The following SLC5A4 variants were observed in gnomAD, a reference collection of about 807,000 sequenced individuals.
SLC5A4 encodes the protein solute carrier family 5 member 4.
Under a neutral mutation model 70.3 loss-of-function variants are expected in SLC5A4, and 55 were observed. That is an observed-to-expected ratio of 0.78 (90% confidence interval 0.63 to 0.98). The LOEUF is 0.98. Ranked by LOEUF, SLC5A4 falls within the 50% of genes least tolerant of loss-of-function variation. The pLI is 0.00. For missense variants in SLC5A4, 735 were observed against 839.2 expected (o/e 0.88, Z 1.53); for synonymous variants, 268 against 305.7 (o/e 0.88, Z 1.29).
At chr22:32,305,496 G>T in the SLC5A4 span, among the ~76,000 whole-genome samples, 1 of 148,954 alleles carries the variant, frequency 6.7e-6, no homozygotes, top group Non-Finnish European at 1.5e-5. Flanking sequence ...ACCATCCATT[G>T]CCTGGGGGTG....
intron 12 of SLC5A4, 108 bp from the exon 13 acceptor site, chr22:32,224,590 ATGGCTAACCT>A (rs1925285584): frequency 1.2e-6 from 1 of 852,414 alleles, no homozygotes; most frequent in Admixed American, 2.4e-5. Context: ...GGACCAACAA[ATGGCTAACCT>A]TGGGCACAAG....
At chr22:32,253,346 G>C (rs960416887) in intron 2 of SLC5A4, among the ~76,000 whole-genome samples, 13 of 152,174 alleles carry the variant, frequency 8.5e-5, no homozygotes, top group Admixed American at 1.3e-4. Context: ...GAATCAAGAG[G>C]CATCAGCATT....
intron 2 of SLC5A4, among the ~76,000 whole-genome samples, chr22:32,253,856 C>G (rs1344965632): frequency 6.6e-6 from 1 of 151,994 alleles, no homozygotes; most frequent in Non-Finnish European, 1.5e-5. Context: ...TCTAGGCTCA[C>G]TGCAACCTCT....
chr22:32,352,349 A>G, the SLC5A4 span, among the ~76,000 whole-genome samples: 2 of 151,726 alleles, frequency 1.3e-5, no homozygotes, highest in Non-Finnish European at 2.9e-5. Flanking sequence ...GCACACCAAC[A>G]TGGCACATGG....
At chr22:32,334,107 G>A in the SLC5A4 span, among the ~76,000 whole-genome samples, 1 of 143,614 alleles carries the variant, frequency 7.0e-6, no homozygotes, top group East Asian at 2.1e-4. Context: ...ACATCACATA[G>A]ACCCACACAA....
chr22:32,307,552 T>C, the SLC5A4 span, among the ~76,000 whole-genome samples: 1 of 152,142 alleles, frequency 6.6e-6, no homozygotes, highest in Non-Finnish European at 1.5e-5. Flanking sequence ...GGGAAGTCCA[T>C]GTCATTGAAT....
Position 32,234,983 on chromosome 22 carries a change from G to A in SLC5A4, c.775C>T (p.Arg259Trp), listed in dbSNP as rs1311274675. Residue 259 changes from arginine (R) to tryptophan (W), a missense_variant, in exon 8 of 15, where the codon CGG becomes TGG. Coordinates refer to ENST00000266086, the MANE Select transcript of SLC5A4 (RefSeq NM_014227.3). Reference sequence around the variant, plus strand: ...CGGAAGATGTGGAAGGAGTCCGCCCGAGGTGTGTAGCAACTGGCACTGATT... The same window carrying A: ...CGGAAGATGTGGAAGGAGTCCGCCCAAGGTGTGTAGCAACTGGCACTGATT... ...LTISASCYTP[R>W]ADSFHIFRDA... 15 of 1,613,118 alleles carry A rather than the reference G, an allele frequency of 9.3e-6. No homozygotes were observed. The highest frequency in any genetic ancestry group is 1.3e-5 in the African/African-American group (1 of 74,190).
At chr22:32,307,459 T>C in the SLC5A4 span, among the ~76,000 whole-genome samples, 3 of 152,224 alleles carry the variant, frequency 2.0e-5, no homozygotes, top group South Asian at 2.1e-4. Flanking sequence ...GTCCCAGCTA[T>C]AGCAGGAATG....
At chr22:32,270,481 C>A in the SLC5A4 span, 1 of 815,908 alleles carries the variant, frequency 1.2e-6, no homozygotes, top group Non-Finnish European at 2.1e-6. Flanking sequence ...GGAGCAGGAA[C>A]CCAGCACCCC....
At chr22:32,307,351 C>T in the SLC5A4 span, among the ~76,000 whole-genome samples, 1 of 152,160 alleles carries the variant, frequency 6.6e-6, no homozygotes, top group Admixed American at 6.5e-5. Context: ...GTGGTGGGAG[C>T]AATGACACCT....
chr22:32,307,236 G>A, the SLC5A4 span, among the ~76,000 whole-genome samples: 1 of 152,276 alleles, frequency 6.6e-6, no homozygotes, highest in Admixed American at 6.5e-5. Context: ...GCTTTGATGT[G>A]AAGATAGGAG....
At chr22:32,285,063 T>C in the SLC5A4 span, 1 of 152,252 alleles carries the variant, frequency 6.6e-6, no homozygotes, top group Non-Finnish European at 1.5e-5. Context: ...CAGTATCATA[T>C]ATTTTATGAT....
At chr22:32,324,690 G>A in the SLC5A4 span, among the ~76,000 whole-genome samples, 14 of 152,306 alleles carry the variant, frequency 9.2e-5, no homozygotes, top group South Asian at 4.1e-4. Flanking sequence ...AGACAAGCCC[G>A]GGTTCAGGTC....
rs764876317 is a variant in SLC5A4, at chr22:32,251,760, T to C, written c.312+10A>G. On this transcript the variant is annotated intron_variant, in intron 3 of 14. Coordinates refer to ENST00000266086, the MANE Select transcript of SLC5A4 (RefSeq NM_014227.3). ...TTGATTTGAAGGAAAAAGCCTATGA[T>C]GTCACTTACAGTCCATTCAAATGTT... 3.9e-6 allele frequency: 6 copies of C among 1,529,472 alleles called. No individual in the cohort carries two copies. In the Admixed American group the frequency reaches 5.0e-5, roughly 13 times the overall value. 94.7% of individuals were successfully genotyped at this position (1,529,472 alleles called of 1,614,324 possible). A position where few individuals can be genotyped will look rare whatever the true frequency, so the allele number is the denominator to read the frequency against.
the SLC5A4 span, among the ~76,000 whole-genome samples, chr22:32,343,752 A>G: frequency 1.3e-5 from 2 of 152,212 alleles, no homozygotes; most frequent in African/African-American, 4.8e-5. Flanking sequence ...TAAATTATCA[A>G]TTAGAAAAGC....
the SLC5A4 span, among the ~76,000 whole-genome samples, chr22:32,311,341 G>A: frequency 1.8e-4 from 27 of 152,068 alleles, no homozygotes; most frequent in Non-Finnish European, 2.9e-4. Context: ...TGGGTCAGAG[G>A]ACACACATGT....
chr22:32,227,280 T>C (rs1189771865), intron 11 of SLC5A4, among the ~76,000 whole-genome samples: 4 of 152,212 alleles, frequency 2.6e-5, no homozygotes, highest in Non-Finnish European at 5.9e-5. Flanking sequence ...CAAGATCATA[T>C]ACCTATCAGT....
At chr22:32,270,631 GA>G in the SLC5A4 span, 1 of 732,986 alleles carries the variant, frequency 1.4e-6, no homozygotes, top group Non-Finnish European at 2.6e-6. Context: ...GGTCTTTGCC[GA>G]AAACATCGGG....
the SLC5A4 span, among the ~76,000 whole-genome samples, chr22:32,290,820 C>G: frequency 1.5e-4 from 23 of 152,164 alleles, no homozygotes; most frequent in Non-Finnish European, 2.6e-4. Flanking sequence ...CCCCTCCAGC[C>G]CTTTTATAAT....
Sources: allele counts gnomAD v4.1 joint callset (sites outside exome capture counted in the v4.1 genomes callset), GRCh38; gene constraint gnomAD v4.1.1; transcripts MANE v1.5; gene names NCBI Gene and HGNC (gene_info 2026-07-23, HGNC 2026-07-21).